SLC25A3: variants seen among roughly 807,000 people sequenced by gnomAD.
SLC25A3 encodes the protein solute carrier family 25 member 3, also known as phosphate transport protein.
In SLC25A3, 14 loss-of-function variants were observed where a neutral mutation model predicts 37.1. The ratio of observed to expected loss-of-function variants is 0.38; its 90% CI spans 0.25 to 0.59. The LOEUF (loss-of-function observed/expected upper bound fraction) is 0.59, where lower values mean the gene tolerates loss of function less well. Among genes scored for constraint, SLC25A3 ranks in the 20% least tolerant of loss-of-function variants. SLC25A3 has a pLI of 0.67. For missense variants in SLC25A3, 385 were observed against 458.1 expected (o/e 0.84, Z 1.46); for synonymous variants, 161 against 168.7 (o/e 0.95, Z 0.36).
rs753833808 is a variant in SLC25A3 at position 98,601,495 on chromosome 12, G to A, written c.1053G>A (p.Glu351=). ...LPRPPPPEMP[E]SLKKKLGLTQ is the part of the protein sequence containing the mutation. ...GCCCTCCTCCACCCGAGATGCCAGA[G>A]TCTCTGAAGAAGAAGCTTGGGTTAA... is the stretch of plus-strand genomic sequence containing the variant. The change falls in exon 8 of 8, where the codon GAG becomes GAA. Residue 351 remains glutamate, a synonymous_variant. Transcript: ENST00000552981. 3.7e-6 allele frequency: 6 copies of A among 1,613,838 alleles called. No individual in the cohort carries two copies. Among genetic ancestry groups the A allele is most frequent in the Non-Finnish European group, 5.1e-6 (6 of 1,179,852 alleles).
rs150243030 is a variant in SLC25A3 at position 98,598,314 on chromosome 12, G to GCTAACTGTA, written c.460-207_460-206insTAACTGTAC. 1,875 of 807,552 alleles carry GCTAACTGTA rather than the reference G, an allele frequency of 2.3e-3. 22 individuals are homozygous for GCTAACTGTA. In the African/African-American group the frequency reaches 0.028, roughly 12 times the overall value. 50.0% of individuals were successfully genotyped at this position (807,552 alleles called of 1,614,324 possible). On this transcript the variant is annotated intron_variant, in intron 4 of 7. Coordinates refer to ENST00000552981, the MANE Select transcript of SLC25A3 (RefSeq NM_002635.4). ...TGGGACTCCTTTGCGTAGTTCCGGG[G>GCTAACTGTA]CATGGCATCTAGATATTTTTTGAAT...
intron 2 of SLC25A3, 124 bp downstream of exon 2, chr12:98,594,259 GC>G: frequency 1.2e-6 from 1 of 843,390 alleles, no homozygotes; most frequent in Non-Finnish European, 2.0e-6. Flanking sequence ...GTAGGACGGC[GC>G]CCAGTTGCTT....
At chr12:98,598,426 A>C in intron 4 of SLC25A3, 96 bp from the exon 5 acceptor site, 1 of 1,591,726 alleles carries the variant, frequency 6.3e-7, no homozygotes, top group East Asian at 2.2e-5. Flanking sequence ...TTACTTTATA[A>C]AATGTCTGAA....
Position 98,603,731 on chromosome 12 carries a change from CTG to C in SLC25A3, c.*2205_*2206del, listed in dbSNP as rs1416873103. ...TGTGTTCAAGCTATGGAGCCTGCCA[CTG>C]TAGTTACTAGAGTTACGGTTCAAAG... On this transcript the variant is annotated 3_prime_UTR_variant, in exon 8 of 8. Transcript: ENST00000552981. The C allele has an allele frequency of 6.6e-6, 1 of 152,170 alleles. No homozygotes were observed. The highest frequency in any genetic ancestry group is 1.5e-5 in the Non-Finnish European group (1 of 68,042). 9.4% of individuals were successfully genotyped at this position (152,170 alleles called of 1,614,324 possible). A position where few individuals can be genotyped will look rare whatever the true frequency, so the allele number is the denominator to read the frequency against.
intron 2 of SLC25A3, chr12:98,595,319 A>C: frequency 2.6e-6 from 3 of 1,167,436 alleles, no homozygotes; most frequent in Non-Finnish European, 3.8e-6. Flanking sequence ...ATTGTGGCCA[A>C]AGCTATTCAG....
rs1592976946 is a variant in SLC25A3, at chr12:98,597,864, C to T, written c.288C>T (p.Pro96=). 6.2e-7 allele frequency: 1 copy of T among 1,613,426 alleles called. No individual in the cohort carries two copies. The highest frequency in any genetic ancestry group is 8.5e-7 in the Non-Finnish European group (1 of 1,179,678). ...DLVKCRMQVD[P]QKYKGIFNGF... ...TCTTGTTTTAAATAAAGGTGGACCCCCAAAAGTACAAGGGCATATTTAACG... is the reference window on the plus strand; with the variant it reads ...TCTTGTTTTAAATAAAGGTGGACCCTCAAAAGTACAAGGGCATATTTAACG... The change falls in exon 4 of 8, where the codon CCC becomes CCT. Residue 96 remains proline, a synonymous_variant. Transcript: ENST00000552981.
Position 98,604,262 on chromosome 12 carries a change from A to AAT in SLC25A3, c.*2735_*2736insTA, listed in dbSNP as rs1282252449. The AAT allele has an allele frequency of 1.7e-5, 2 of 119,552 alleles. No homozygotes were observed. Among genetic ancestry groups the AAT allele is most frequent in the Non-Finnish European group, 3.5e-5 (2 of 56,544 alleles). The allele number at this position is 119,552 out of a possible 1,614,324, so 7.4% of individuals were successfully genotyped here. ...AGCGAAACTCTGTCTCAAAAAAAAA[A>AAT]AATATATATATATATATATATATAT... On this transcript the variant is annotated 3_prime_UTR_variant, in exon 8 of 8. Coordinates refer to ENST00000552981, the MANE Select transcript of SLC25A3 (RefSeq NM_002635.4).
At chr12:98,599,633 A>G in intron 5 of SLC25A3, 1 of 549,818 alleles carries the variant, frequency 1.8e-6, no homozygotes. Context: ...TTCCATGACC[A>G]CAACATGCTT....
In SLC25A3 at chr12:98,603,833, G is replaced by C. The variant is rs1271279563; in HGVS notation, c.*2305G>C. On this transcript the variant is annotated 3_prime_UTR_variant, in exon 8 of 8. Coordinates refer to ENST00000552981, the MANE Select transcript of SLC25A3 (RefSeq NM_002635.4). ...TAAAGTGATGCGAATTCTCATTTCA[G>C]GTTTTTAAATTATACTAAAAGATTC... 6.6e-6 allele frequency: 1 copy of C among 152,070 alleles called. No homozygotes were observed. The highest frequency in any genetic ancestry group is 2.4e-5 in the African/African-American group (1 of 41,378). 9.4% of individuals were successfully genotyped at this position (152,070 alleles called of 1,614,324 possible). A position where few individuals can be genotyped will look rare whatever the true frequency, so the allele number is the denominator to read the frequency against.
chr12:98,598,440 T>C, intron 4 of SLC25A3, 82 bp from the exon 5 acceptor site: 2 of 1,606,228 alleles, frequency 1.2e-6, no homozygotes, highest in South Asian at 2.2e-5. Context: ...GTCTGAAGCT[T>C]AGTTGTTTTC....
At chr12:98,599,326 T>A (rs1021473369) in intron 5 of SLC25A3, among the ~76,000 whole-genome samples, 4 of 152,220 alleles carry the variant, frequency 2.6e-5, no homozygotes, top group African/African-American at 9.6e-5. Context: ...GTGCTGGGAT[T>A]ACAGGCGTGA....
Position 98,603,532 on chromosome 12 carries a change from G to A in SLC25A3, c.*2004G>A, listed in dbSNP as rs921490656. 6.6e-6 allele frequency: 1 copy of A among 152,182 alleles called. No homozygotes were observed. The highest frequency in any genetic ancestry group is 6.5e-5 in the Admixed American group (1 of 15,274). The allele number at this position is 152,182 out of a possible 1,614,324, so 9.4% of individuals were successfully genotyped here. On this transcript the variant is annotated 3_prime_UTR_variant, in exon 8 of 8. Coordinates refer to ENST00000552981, the MANE Select transcript of SLC25A3 (RefSeq NM_002635.4). The stretch of plus-strand genomic sequence containing the variant: ...GAGGAAAGTCAGTCAACGTGTAAGA[G>A]GAGCAGTAGAAACGCATTAGTCCAG...
At chr12:98,594,624 T>C (rs1375973171) in intron 2 of SLC25A3, 4 of 479,488 alleles carry the variant, frequency 8.3e-6, no homozygotes, top group African/African-American at 5.8e-5. Context: ...ATGTCCTGTT[T>C]TCGTGCGACT....
intron 1 of SLC25A3, 116 bp downstream of exon 1, chr12:98,593,856 C>G (rs937244362): frequency 1.1e-5 from 13 of 1,171,308 alleles, no homozygotes; most frequent in Non-Finnish European, 1.5e-5. Context: ...CGAAGGCCGC[C>G]GTGACCTCTT....
At chr12:98,594,351 C>T (rs1181494123) in intron 2 of SLC25A3, 2 of 702,818 alleles carry the variant, frequency 2.8e-6, no homozygotes, top group East Asian at 2.7e-5. Flanking sequence ...GCGCTGAGGC[C>T]CTGTGTCCCT....
chr12:98,601,131 T>G, intron 6 of SLC25A3, 40 bp from the exon 7 acceptor site: 2 of 1,604,556 alleles, frequency 1.2e-6, no homozygotes. Context: ...GAAGTTTTGT[T>G]TTTAACTGGC....
rs1462422956 is a variant in SLC25A3 at position 98,604,438 on chromosome 12, A to C, written c.*2910A>C. 2.6e-5 allele frequency: 4 copies of C among 151,924 alleles called. No individual in the cohort carries two copies. Among genetic ancestry groups the C allele is most frequent in the Non-Finnish European group, 5.9e-5 (4 of 67,988 alleles). The allele number at this position is 151,924 out of a possible 1,614,324, so 9.4% of individuals were successfully genotyped here. ...TCTGATAGGTGCAACAAAATTGAACAGAAGAGTAACAGCTTAACTAAACCT... is the reference window on the plus strand; with the variant it reads ...TCTGATAGGTGCAACAAAATTGAACCGAAGAGTAACAGCTTAACTAAACCT... On this transcript the variant is annotated 3_prime_UTR_variant, in exon 8 of 8. Transcript: ENST00000552981.
intron 5 of SLC25A3, among the ~76,000 whole-genome samples, 163 bp downstream of exon 5, chr12:98,598,866 C>T (rs1218547350): frequency 1.3e-5 from 2 of 151,648 alleles, no homozygotes; most frequent in African/African-American, 2.4e-5. Flanking sequence ...AGCTCCGCCT[C>T]CCGGGTTCAC....
intron 3 of SLC25A3, chr12:98,597,573 G>A (rs2097594037): frequency 2.7e-6 from 1 of 371,816 alleles, no homozygotes; most frequent in Non-Finnish European, 5.1e-6. Context: ...ACAGGTGCAC[G>A]CCACCATGCC....
Sources: gnomAD v4.1 joint callset for allele counts (sites outside exome capture counted in the v4.1 genomes callset) on GRCh38, gnomAD v4.1.1 for gene constraint, MANE v1.5 for transcripts, NCBI Gene and HGNC (gene_info 2026-07-23, HGNC 2026-07-21) for gene names.